The following MSMO1 variants were observed in gnomAD, a reference collection of about 807,000 sequenced individuals.
The protein encoded by MSMO1 is C-4 methylsterol oxidase.
Under a neutral mutation model 30.4 loss-of-function variants are expected in MSMO1, and 18 were observed. That is an observed-to-expected ratio of 0.59 (90% CI 0.41 to 0.88). The LOEUF is 0.88. Ranked by LOEUF, MSMO1 falls within the 40% of genes least tolerant of loss-of-function variation. MSMO1 has a pLI of 0.00. For synonymous variants in MSMO1, 84 were observed against 107.9 expected, an observed-to-expected ratio of 0.78 and a Z score of 1.37; for missense variants, 284 against 340.5, an observed-to-expected ratio of 0.83 and a Z score of 1.31.
At chr4:165,339,773 G>GTA (rs1287497167) in intron 4 of MSMO1, among the ~76,000 whole-genome samples, 2 of 152,126 alleles carry the variant, frequency 1.3e-5, no homozygotes, top group Non-Finnish European at 2.9e-5. Flanking sequence ...AATCATTGGG[G>GTA]TATATATATG....
At chr4:165,333,684 G>A in intron 2 of MSMO1, 59 bp downstream of exon 2, 3 of 1,473,282 alleles carry the variant, frequency 2.0e-6, no homozygotes, top group Non-Finnish European at 2.7e-6. Context: ...TATTTTAAAA[G>A]TACATAGGGC....
At chr4:165,338,309 T>TATATATATATATATACACAC (rs1378749031) in intron 3 of MSMO1, among the ~76,000 whole-genome samples, 1 of 10,432 alleles carries the variant, frequency 9.6e-5, no homozygotes, top group Non-Finnish European at 1.3e-4. Context: ...TGTATGTGTA[T>TATATATATATATATACACAC]ATATATATAT....
intron 5 of MSMO1, 124 bp downstream of exon 5, chr4:165,340,499 A>G: frequency 1.2e-6 from 1 of 823,424 alleles, no homozygotes; most frequent in Non-Finnish European, 1.9e-6. Context: ...TTATATTAAG[A>G]AAACATAACT....
At chr4:165,331,614 A>G (rs948463939) in intron 1 of MSMO1, among the ~76,000 whole-genome samples, 20 of 152,340 alleles carry the variant, frequency 1.3e-4, no homozygotes, top group African/African-American at 4.6e-4. Context: ...TAGGTTCTCA[A>G]TATTCCTTCT....
In MSMO1 at chr4:165,340,092, T is replaced by C. The variant is rs6536905; in HGVS notation, c.532-129T>C. On this transcript the variant is annotated intron_variant, in intron 4 of 5. Coordinates refer to ENST00000261507, the MANE Select transcript of MSMO1 (RefSeq NM_006745.5). ...TTAAATGTTAACAACATCTAAAAAA[T>C]ACCTTCACAACAACATCTAGACTGG... 0.031 allele frequency: 24,010 copies of C among 767,628 alleles called. 3,194 individuals carry two copies. The African/African-American group carries it at 0.32, about 10-fold the overall frequency. The allele number at this position is 767,628 out of a possible 1,614,324, so 47.6% of individuals were successfully genotyped here. A position where few individuals can be genotyped will look rare whatever the true frequency, so the allele number is the denominator to read the frequency against.
At chr4:165,330,685 G>A (rs114882261) in intron 1 of MSMO1, among the ~76,000 whole-genome samples, 2,051 of 152,298 alleles carry the variant, frequency 0.013, 50 homozygotes, top group African/African-American at 0.045. Flanking sequence ...AGTGAGTTGT[G>A]TGGGTGAGTT....
At position 165,333,531 on chromosome 4, in the gene MSMO1, C is replaced by T; in HGVS notation, c.161C>T (p.Ser54Phe). ...AAGTTCCAGATTGCAACATGGGGATCCCTTATAGTTCATGAAGCCCTTTAT... is the reference window on the plus strand; with the variant it reads ...AAGTTCCAGATTGCAACATGGGGATTCCTTATAGTTCATGAAGCCCTTTAT... ...YTKFQIATWG[S>F]LIVHEALYFL... The change falls in exon 2 of 6, where the codon TCC becomes TTC. Residue 54 changes from serine (S) to phenylalanine (F), a missense_variant. Coordinates refer to ENST00000261507, the MANE Select transcript of MSMO1 (RefSeq NM_006745.5). 1 of 1,613,194 alleles carries T rather than the reference C, an allele frequency of 6.2e-7. No homozygotes were observed.
At chr4:165,328,640 T>TA (rs201994403) in intron 1 of MSMO1, among the ~76,000 whole-genome samples, 1,758 of 152,312 alleles carry the variant, frequency 0.012, 31 homozygotes, top group East Asian at 0.094. Flanking sequence ...CTAGTCAACC[T>TA]GTTCCAGAAC....
intron 1 of MSMO1, among the ~76,000 whole-genome samples, chr4:165,329,574 CAAA>C (rs373961662): frequency 6.7e-5 from 6 of 89,472 alleles, no homozygotes; most frequent in African/African-American, 1.2e-4. Context: ...AAATAAACTC[CAAA>C]AAAAAAAAAA....
intron 2 of MSMO1, among the ~76,000 whole-genome samples, chr4:165,335,548 A>G (rs1034984023): frequency 6.6e-6 from 1 of 152,120 alleles, no homozygotes; most frequent in Non-Finnish European, 1.5e-5. Flanking sequence ...CCAGTGATTT[A>G]TTTATAGGGC....
chr4:165,329,741 TCTC>T (rs1326645618), intron 1 of MSMO1, among the ~76,000 whole-genome samples: 3 of 147,288 alleles, frequency 2.0e-5, no homozygotes, highest in Admixed American at 6.8e-5. Context: ...TTCAAGCAAT[TCTC>T]CTGCCTCAGC....
chr4:165,338,550 TG>T, intron 3 of MSMO1, 101 bp from the exon 4 acceptor site: 1 of 977,526 alleles, frequency 1.0e-6, no homozygotes, highest in Non-Finnish European at 1.6e-6. Flanking sequence ...GGTAAGTGGG[TG>T]GGTGGTTTTA....
intron 1 of MSMO1, among the ~76,000 whole-genome samples, chr4:165,328,955 T>C (rs1162071181): frequency 6.6e-6 from 1 of 152,160 alleles, no homozygotes; most frequent in East Asian, 1.9e-4. Context: ...TACTGAACCT[T>C]TGGACCTGTT....
chr4:165,333,672 A>C (rs1747463228), intron 2 of MSMO1, 47 bp downstream of exon 2: 2 of 1,508,692 alleles, frequency 1.3e-6, no homozygotes, highest in Non-Finnish European at 1.8e-6. Context: ...AATGTTGCTG[A>C]ATATTTTAAA....
Position 165,340,258 on chromosome 4 carries a change from T to G in MSMO1, c.569T>G (p.Leu190Trp). The change falls in exon 5 of 6, where the codon TTG (leucine) becomes TGG (tryptophan). Residue 190 changes from leucine to tryptophan, a missense_variant. Transcript: ENST00000261507. ...FGMEAEYAHP[L>W]ETLILGTGFF... is the part of the protein sequence containing the mutation. ...ATGGAAGCTGAATATGCACATCCTT[T>G]GGAGACTCTAATTCTTGGAACTGGA... The G allele has an allele frequency of 6.2e-7, 1 of 1,613,992 alleles. No homozygotes were observed. Among genetic ancestry groups the G allele is most frequent in the Non-Finnish European group, 8.5e-7 (1 of 1,179,936 alleles).
intron 1 of MSMO1, among the ~76,000 whole-genome samples, chr4:165,332,526 A>G (rs1252649786): frequency 2.0e-5 from 3 of 152,152 alleles, no homozygotes. Flanking sequence ...CAAAGGATGT[A>G]TTCATTTTGA....
At chr4:165,330,453 C>T (rs1464546984) in intron 1 of MSMO1, among the ~76,000 whole-genome samples, 2 of 151,956 alleles carry the variant, frequency 1.3e-5, no homozygotes, top group African/African-American at 2.4e-5. Context: ...CATTGGAAGA[C>T]CTACTGTTTT....
At chr4:165,330,179 C>T (rs149511839) in intron 1 of MSMO1, among the ~76,000 whole-genome samples, 4 of 152,330 alleles carry the variant, frequency 2.6e-5, no homozygotes, top group Admixed American at 2.6e-4. Context: ...ATTTGTTAAG[C>T]ATTAACTTAA....
At chr4:165,341,715 T>C (rs377690925) in intron 5 of MSMO1, 36 bp from the exon 6 acceptor site, 1 of 1,527,546 alleles carries the variant, frequency 6.5e-7, no homozygotes, top group South Asian at 1.1e-5. Context: ...TTGAGATGTA[T>C]TTATTCCTTA....
Sources: allele counts gnomAD v4.1 joint callset (sites outside exome capture counted in the v4.1 genomes callset), GRCh38; gene constraint gnomAD v4.1.1; transcripts MANE v1.5; gene names NCBI Gene and HGNC (gene_info 2026-07-23, HGNC 2026-07-21).